The following IL32 variants were observed in gnomAD, a reference collection of about 807,000 sequenced individuals.
The protein encoded by IL32 is interleukin 32, also known as interleukin-32.
IL32 carries 30 observed loss-of-function variants against 16.6 expected under a neutral mutation model. The observed-to-expected ratio is 1.81, with a 90% CI of 1.35 to 2.45. The LOEUF is 2.45. Ranked by LOEUF, IL32 falls within the 30% of genes most tolerant of loss-of-function variation. The probability of loss-of-function intolerance (pLI) is 0.00; values close to 1 mark genes in which losing one functional copy is unlikely to be tolerated. For missense variants in IL32, 234 were observed against 229.8 expected (o/e 1.02, Z -0.12); for synonymous variants, 70 against 86.1 (o/e 0.81, Z 1.03).
chr16:3,067,888 G>C (rs770241667), intron 4 of IL32, 96 bp from the exon 5 acceptor site: 18 of 1,415,684 alleles, frequency 1.3e-5, no homozygotes, highest in Non-Finnish European at 1.7e-5. Context: ...CCAGTTCGGG[G>C]TGTGTGGGAG....
At position 3,068,146 on chromosome 16, in the gene IL32, G is replaced by A. The variant is rs1384881863; in HGVS notation, c.142-34G>A. On this transcript the variant is annotated intron_variant, in intron 5 of 6. Coordinates refer to ENST00000525643, the MANE Select transcript of IL32 (RefSeq NM_001376923.1). Reference sequence around the variant, plus strand: ...CACAGTGGGAAGGGGGCAGGCAGGAGCAGCATGAACCCCCTGTGCCCTCCT... The same window carrying A: ...CACAGTGGGAAGGGGGCAGGCAGGAACAGCATGAACCCCCTGTGCCCTCCT... The A allele has an allele frequency of 1.9e-6, 3 of 1,603,428 alleles. No homozygotes were observed. In the South Asian group the frequency reaches 3.3e-5, roughly 18 times the overall value.
intron 6 of IL32, chr16:3,068,662 G>A: frequency 2.3e-6 from 1 of 434,874 alleles, no homozygotes; most frequent in Non-Finnish European, 4.3e-6. Context: ...CAGCCCCTGA[G>A]CTTGGGGTGG....
At chr16:3,066,786 T>G (rs1032903647) in intron 2 of IL32, among the ~76,000 whole-genome samples, 6 of 152,214 alleles carry the variant, frequency 3.9e-5, no homozygotes, top group African/African-American at 1.4e-4. Flanking sequence ...ATTTTTTCCT[T>G]GGCCAACTCT....
intron 4 of IL32, 49 bp from the exon 5 acceptor site, chr16:3,067,935 G>C (rs752042054): frequency 6.2e-6 from 10 of 1,606,306 alleles, no homozygotes; most frequent in South Asian, 1.1e-5. Context: ...GACTGATGTG[G>C]GGTGCAGAGG....
intron 2 of IL32, 96 bp from the exon 3 acceptor site, chr16:3,067,281 G>C (rs1261400902): frequency 5.6e-5 from 29 of 514,618 alleles, no homozygotes; most frequent in Non-Finnish European, 8.7e-5. Flanking sequence ...CTGTGTGTGT[G>C]TGTGTGTGTG....
At chr16:3,068,776 C>T in intron 6 of IL32, 1 of 725,712 alleles carries the variant, frequency 1.4e-6, no homozygotes, top group South Asian at 1.9e-5. Context: ...GGTGACCAAG[C>T]AGACACACCC....
At chr16:3,066,543 G>A (rs1295083618) in intron 2 of IL32, among the ~76,000 whole-genome samples, 3 of 152,110 alleles carry the variant, frequency 2.0e-5, no homozygotes, top group South Asian at 2.1e-4. Flanking sequence ...TGTCACCCCC[G>A]AGACTAGGCC....
chr16:3,065,689 TG>T lies in IL32; in HGVS notation c.-29+6del. On this transcript the variant is annotated splice_donor_region_variant and intron_variant, in intron 1 of 6. Coordinates refer to ENST00000525643, the MANE Select transcript of IL32 (RefSeq NM_001376923.1). ...CTCAGTGGAGCTGGGTCATCTCAGG[TG>T]GGGAGTTGGGGTCCCCGAAGGTGAG... 1.0e-6 allele frequency: 1 copy of T among 982,284 alleles called. No homozygotes were observed. Among genetic ancestry groups the T allele is most frequent in the Non-Finnish European group, 1.7e-6 (1 of 605,418 alleles). The allele number at this position is 982,284 out of a possible 1,614,324, so 60.8% of individuals were successfully genotyped here.
chr16:3,068,008 G>T lies in IL32; in HGVS notation c.139G>T (p.Glu47Ter), dbSNP rs140715128. Residue 47 changes from glutamate (E) to a stop codon, truncating the protein, a stop_gained and splice_region_variant, in exon 5 of 7, where the codon GAG becomes TAG. Coordinates refer to ENST00000525643, the MANE Select transcript of IL32 (RefSeq NM_001376923.1). LOFTEE classifies it high-confidence loss of function. ...GQVMSSLAEL[E>*]DDFKEGYLET... ...GGTGATGTCGAGCCTGGCAGAGCTGGAGGTGAGCCGTGGCCTCCCCCTCCA... is the reference window on the plus strand; with the variant it reads ...GGTGATGTCGAGCCTGGCAGAGCTGTAGGTGAGCCGTGGCCTCCCCCTCCA... 1.2e-6 allele frequency: 2 copies of T among 1,614,094 alleles called. No individual in the cohort carries two copies. The highest frequency in any genetic ancestry group is 2.2e-5 in the East Asian group (1 of 44,840).
rs1956787538 is a variant in IL32, at chr16:3,069,175, G to C, written c.387G>C (p.Trp129Cys). 4.3e-6 allele frequency: 7 copies of C among 1,613,868 alleles called. No homozygotes were observed. The South Asian group carries it at 7.7e-5, about 18-fold the overall frequency. Residue 129 changes from tryptophan (W) to cysteine (C), a missense_variant, in exon 7 of 7, where the codon TGG (tryptophan) becomes TGC (cysteine). Physicochemically the swap from Trp to Cys is radical, Grantham distance 215 (BLOSUM62 -2). This residue lies in a region of IL32 where 44 missense variants were observed against 103.1 expected (regional missense o/e 0.43). Coordinates refer to ENST00000525643, the MANE Select transcript of IL32 (RefSeq NM_001376923.1). Reference protein sequence around the residue: ...LQTWWHGVLAWVKEKVVALVH... With the variant: ...LQTWWHGVLACVKEKVVALVH... ...CCTGGTGGCACGGGGTTCTGGCCTG[G>C]GTGAAGGAGAAGGTGGTGGCCCTGG... is the stretch of plus-strand genomic sequence containing the variant.
In IL32 at chr16:3,067,610, A is replaced by G. The variant is rs778001461; in HGVS notation, c.111A>G (p.Gly37=). The change falls in exon 4 of 7, where the codon GGA becomes GGG. Residue 37 remains glycine, a synonymous_variant. Transcript: ENST00000525643. ...TGCAAAATGCAGAATCAGGACGTGG[A>G]CAGGTGGGTGGATTTCCCCTCAGGC... ...DKMQNAESGR[G]QVMSSLAELE... 1 of 1,609,664 alleles carries G rather than the reference A, an allele frequency of 6.2e-7. No individual in the cohort carries two copies. Among genetic ancestry groups the G allele is most frequent in the South Asian group, 1.1e-5 (1 of 90,992 alleles).
intron 4 of IL32, 58 bp downstream of exon 4, chr16:3,067,671 C>A: frequency 7.8e-7 from 1 of 1,286,056 alleles, no homozygotes; most frequent in Non-Finnish European, 1.1e-6. Context: ...GGCACTCCAC[C>A]CTGTGTGGGG....
rs1178374800 is a variant in IL32 at position 3,065,669 on chromosome 16, T to C, written c.-47T>C. On this transcript the variant is annotated 5_prime_UTR_variant, in exon 1 of 7. Transcript: ENST00000525643. The stretch of plus-strand genomic sequence containing the variant: ...TGCGTGCAGAAGGTGACTGTCTCAG[T>C]GGAGCTGGGTCATCTCAGGTGGGGA... 2.2e-5 allele frequency: 18 copies of C among 826,170 alleles called. No homozygotes were observed. Among genetic ancestry groups the C allele is most frequent in the Admixed American group, 5.4e-5 (3 of 55,952 alleles). 51.2% of individuals were successfully genotyped at this position (826,170 alleles called of 1,614,324 possible).
intron 2 of IL32, among the ~76,000 whole-genome samples, chr16:3,066,667 C>T (rs1050381020): frequency 2.6e-5 from 4 of 152,140 alleles, no homozygotes; most frequent in South Asian, 2.1e-4. Context: ...TGTTGGCAGT[C>T]GGGAAGAGTG....
chr16:3,067,363 C>T lies in IL32; in HGVS notation c.16-14C>T, dbSNP rs563456560. 49 of 1,486,962 alleles carry T rather than the reference C, an allele frequency of 3.3e-5. 1 individual carries two copies. The African/African-American group carries it at 4.7e-4, about 14-fold the overall frequency. The allele number at this position is 1,486,962 out of a possible 1,614,324, so 92.1% of individuals were successfully genotyped here. On this transcript the variant is annotated splice_polypyrimidine_tract_variant and intron_variant, in intron 2 of 6. Coordinates refer to ENST00000525643, the MANE Select transcript of IL32 (RefSeq NM_001376923.1). The stretch of plus-strand genomic sequence containing the variant: ...GTGACACATGGAGACTGAGTGTCAC[C>T]GTTATTTCCGCAGGTCCTCTCTGAT...
chr16:3,068,439 G>T (rs1327838527), intron 6 of IL32, 200 bp downstream of exon 6: 3 of 582,870 alleles, frequency 5.1e-6, no homozygotes, highest in Non-Finnish European at 9.1e-6. Flanking sequence ...ACAAGTAGTT[G>T]GGACTACAGG....
chr16:3,065,630 T>C (rs1229560312), upstream of IL32: 7 of 721,856 alleles, frequency 9.7e-6, no homozygotes, highest in African/African-American at 8.7e-5. Flanking sequence ...GCTGAGTATT[T>C]GTGCCAGGAA....
In IL32 at chr16:3,066,268, C is replaced by G. The variant is rs11867027; in HGVS notation, c.15+442C>G. Among the ~76,000 whole-genome samples, 1,065 of 152,286 alleles carry G rather than the reference C, an allele frequency of 7.0e-3. 10 individuals carry two copies. Among genetic ancestry groups the G allele is most frequent in the African/African-American group, 0.024 (1,007 of 41,534 alleles). ...CACCGCAAATGCTAGGCCCACCACA[C>G]CCTCCAGGGAGCTCTTCGGCCTGTG... On this transcript the variant is annotated intron_variant, in intron 2 of 6. Transcript: ENST00000525643.
Position 3,067,118 on chromosome 16 carries a change from G to GCAGGCC in IL32, c.16-258_16-257insAGGCCC, listed in dbSNP as rs1353801393. ...GTGAGGAGGGGTCACCTAGGCCCAT[G>GCAGGCC]CTGGCCCTGCTCTTGGGCCTGCCCA... On this transcript the variant is annotated intron_variant, in intron 2 of 6. Transcript: ENST00000525643. Among the ~76,000 whole-genome samples the GCAGGCC allele has an allele frequency of 7.1e-4, 76 of 107,528 alleles. 16 individuals are homozygous for GCAGGCC. Among genetic ancestry groups the GCAGGCC allele is most frequent in the Admixed American group, 1.3e-3 (15 of 11,520 alleles). 70.5% of individuals were successfully genotyped at this position (107,528 alleles called of 152,430 possible). A position where few individuals can be genotyped will look rare whatever the true frequency, so the allele number is the denominator to read the frequency against.
Sources: allele counts gnomAD v4.1 joint callset (sites outside exome capture counted in the v4.1 genomes callset), GRCh38; gene constraint gnomAD v4.1.1; regional missense constraint gnomAD v4.1.1; transcripts MANE v1.5; gene names NCBI Gene and HGNC (gene_info 2026-07-23, HGNC 2026-07-21).